The following CDIN1 variants were observed in gnomAD, a reference collection of about 807,000 sequenced individuals.
CDIN1 encodes the protein CDAN1-interacting nuclease 1.
Under a neutral mutation model 45.3 loss-of-function variants are expected in CDIN1, and 33 were observed. The observed-to-expected ratio is 0.73, with a 90% CI of 0.55 to 0.97. CDIN1 has a LOEUF of 0.97. Among genes scored for constraint, CDIN1 ranks in the 50% least tolerant of loss-of-function variants. The pLI, the probability that CDIN1 is intolerant of heterozygous loss-of-function variation, is 0.00. For missense variants in CDIN1, 303 were observed against 339.4 expected (o/e 0.89, Z 0.84); for synonymous variants, 118 against 124.4 (o/e 0.95, Z 0.34).
intron 1 of CDIN1, among the ~76,000 whole-genome samples, chr15:36,592,264 T>C (rs2037613632): frequency 6.6e-6 from 1 of 152,194 alleles, no homozygotes; most frequent in African/African-American, 2.4e-5. Flanking sequence ...GGTGAGCATC[T>C]TTTCCAGACT....
At chr15:36,670,961 T>G (rs539223577) in intron 5 of CDIN1, among the ~76,000 whole-genome samples, 2 of 152,276 alleles carry the variant, frequency 1.3e-5, no homozygotes, top group South Asian at 4.1e-4. Context: ...AATCTGCCAG[T>G]TGAGAACACT....
chr15:36,602,174 TG>T (rs973697511), intron 1 of CDIN1, among the ~76,000 whole-genome samples: 4 of 152,228 alleles, frequency 2.6e-5, no homozygotes, highest in Non-Finnish European at 5.9e-5. Context: ...TGGTTTTGGT[TG>T]GTGGTGTGCC....
At chr15:36,688,394 AAGTTC>A (rs1000811412) in intron 5 of CDIN1, among the ~76,000 whole-genome samples, 1 of 152,168 alleles carries the variant, frequency 6.6e-6, no homozygotes, top group African/African-American at 2.4e-5. Context: ...TCACAACAAA[AAGTTC>A]ATAATCTTAG....
chr15:36,635,143 G>A (rs2039844462), intron 1 of CDIN1, among the ~76,000 whole-genome samples: 1 of 152,072 alleles, frequency 6.6e-6, no homozygotes, highest in African/African-American at 2.4e-5. Flanking sequence ...AGGAGTAAGT[G>A]TGAACTGAAA....
intron 10 of CDIN1, among the ~76,000 whole-genome samples, chr15:36,790,683 G>A (rs2054621498): frequency 6.6e-6 from 1 of 152,018 alleles, no homozygotes; most frequent in Non-Finnish European, 1.5e-5. Context: ...AATATTAAAG[G>A]TTGAGATGAC....
chr15:36,623,178 G>A (rs1281955792), intron 1 of CDIN1, among the ~76,000 whole-genome samples: 1 of 151,936 alleles, frequency 6.6e-6, no homozygotes, highest in Non-Finnish European at 1.5e-5. Context: ...TTTTTAGGAT[G>A]TTGTATATAT....
intron 8 of CDIN1, among the ~76,000 whole-genome samples, chr15:36,703,863 A>G (rs1291162774): frequency 6.6e-6 from 1 of 152,178 alleles, no homozygotes; most frequent in African/African-American, 2.4e-5. Context: ...AAAAAGAACC[A>G]GGGCAGACAA....
At chr15:36,765,395 T>G (rs1396109108) in intron 10 of CDIN1, among the ~76,000 whole-genome samples, 1 of 152,162 alleles carries the variant, frequency 6.6e-6, no homozygotes, top group Admixed American at 6.5e-5. Context: ...ACTTTTTTCT[T>G]GTTTATGCTA....
chr15:36,767,739 G>A (rs73385342), intron 10 of CDIN1, among the ~76,000 whole-genome samples: 1 of 152,098 alleles, frequency 6.6e-6, no homozygotes, highest in Admixed American at 6.6e-5. Flanking sequence ...TTAGAAATTA[G>A]CCTTTTTTGA....
At chr15:36,786,507 T>A (rs1279904305) in intron 10 of CDIN1, among the ~76,000 whole-genome samples, 1 of 152,246 alleles carries the variant, frequency 6.6e-6, no homozygotes, top group Non-Finnish European at 1.5e-5. Flanking sequence ...GTGGTCTTTT[T>A]AATCCTGTGT....
chr15:36,674,006 A>G (rs2041550264), intron 5 of CDIN1, among the ~76,000 whole-genome samples: 2 of 152,084 alleles, frequency 1.3e-5, no homozygotes, highest in African/African-American at 4.8e-5. Context: ...AAGAATATAT[A>G]GTTATGAAAG....
intron 10 of CDIN1, among the ~76,000 whole-genome samples, chr15:36,786,898 A>T (rs1305592655): frequency 6.6e-6 from 1 of 150,704 alleles, no homozygotes; most frequent in Non-Finnish European, 1.5e-5. Context: ...CTGTGATACC[A>T]CTCTTTCCTG....
chr15:36,637,636 G>A (rs1000168118), intron 1 of CDIN1, among the ~76,000 whole-genome samples: 2 of 152,292 alleles, frequency 1.3e-5, no homozygotes, highest in African/African-American at 2.4e-5. Flanking sequence ...TCAGAAATGC[G>A]TGTGAATGTA....
chr15:36,591,052 T>G (rs1466014940), intron 1 of CDIN1, among the ~76,000 whole-genome samples: 2 of 152,180 alleles, frequency 1.3e-5, no homozygotes, highest in East Asian at 3.8e-4. Context: ...AGATGCAGGG[T>G]GAAAATTTTG....
At position 36,786,679 on chromosome 15, in the gene CDIN1, C is replaced by T. The variant is rs189844815; in HGVS notation, c.717-21645C>T. 7.1e-3 allele frequency among the ~76,000 whole-genome samples: 1,082 copies of T among 152,256 alleles called. 18 individuals are homozygous for T. The highest frequency in any genetic ancestry group is 0.025 in the African/African-American group (1,024 of 41,554). On this transcript the variant is annotated intron_variant, in intron 10 of 10. Transcript: ENST00000566621. The stretch of plus-strand genomic sequence containing the variant: ...CTTTCTGCTGTGTCTGCTTTTATCT[C>T]TGTTCTTTTCTTCATGATCAATCTT...
chr15:36,670,022 T>C (rs1193048171), intron 5 of CDIN1, among the ~76,000 whole-genome samples: 1 of 152,112 alleles, frequency 6.6e-6, no homozygotes, highest in African/African-American at 2.4e-5. Flanking sequence ...GATTAAACTC[T>C]GCCTTCTGGA....
intron 7 of CDIN1, chr15:36,696,431 G>A (rs966383079): frequency 4.1e-4 from 63 of 152,288 alleles, no homozygotes; most frequent in African/African-American, 1.4e-3. Context: ...CTAAATGTTG[G>A]CCTGATGACA....
intron 5 of CDIN1, among the ~76,000 whole-genome samples, chr15:36,667,787 A>G (rs2041306083): frequency 2.0e-5 from 3 of 152,142 alleles, no homozygotes; most frequent in Admixed American, 2.0e-4. Context: ...AAGAAGCTTG[A>G]TGAACAACAT....
At chr15:36,701,139 T>C (rs966460962) in intron 8 of CDIN1, among the ~76,000 whole-genome samples, 5 of 148,054 alleles carry the variant, frequency 3.4e-5, no homozygotes, top group African/African-American at 7.8e-5. Context: ...GATAGATAGA[T>C]AGATAGATAG....
Sources: gnomAD v4.1 joint callset for allele counts (sites outside exome capture counted in the v4.1 genomes callset) on GRCh38, gnomAD v4.1.1 for gene constraint, MANE v1.5 for transcripts, NCBI Gene and HGNC (gene_info 2026-07-23, HGNC 2026-07-21) for gene names.